Variants in TMPRSS7 observed in about 807,000 individuals in gnomAD.
TMPRSS7 encodes transmembrane protease serine 7.
In TMPRSS7, 81 loss-of-function variants were observed where a neutral mutation model predicts 95.6. The observed-to-expected ratio is 0.85, with a 90% CI of 0.71 to 1.02. The LOEUF (loss-of-function observed/expected upper bound fraction) is 1.02. Among genes scored for constraint, TMPRSS7 ranks in the 50% least tolerant of loss-of-function variants. The pLI is 0.00. For synonymous variants in TMPRSS7, 364 were observed against 337.8 expected (o/e 1.08, Z -0.85); for missense variants, 945 against 955.2 (o/e 0.99, Z 0.14).
At chr3:112,047,122 C>A in intron 6 of TMPRSS7, 110 bp downstream of exon 6, 2 of 666,748 alleles carry the variant, frequency 3.0e-6, no homozygotes, top group Non-Finnish European at 2.7e-6. Context: ...TTGCAAGTGA[C>A]AGAAATGCAT....
At chr3:112,034,978 A>T (rs2073141224) in intron 1 of TMPRSS7, 85 bp downstream of exon 1, 1 of 683,054 alleles carries the variant, frequency 1.5e-6, no homozygotes, top group Non-Finnish European at 2.6e-6. Flanking sequence ...ATGACCTTAT[A>T]AACATAAAGG....
At chr3:112,036,566 CAA>C (rs1303902803) in intron 1 of TMPRSS7, among the ~76,000 whole-genome samples, 10 of 124,634 alleles carry the variant, frequency 8.0e-5, no homozygotes, top group African/African-American at 8.9e-5. Flanking sequence ...AAAACTCTGT[CAA>C]AAAAAAAAAA....
intron 2 of TMPRSS7, among the ~76,000 whole-genome samples, chr3:112,041,116 A>G (rs2073202226): frequency 6.6e-6 from 1 of 152,162 alleles, no homozygotes; most frequent in African/African-American, 2.4e-5. Context: ...TTCCCTGATA[A>G]AAATAAAAAA....
At chr3:112,070,509 C>T (rs954481359) in intron 13 of TMPRSS7, among the ~76,000 whole-genome samples, 1 of 152,172 alleles carries the variant, frequency 6.6e-6, no homozygotes, top group Non-Finnish European at 1.5e-5. Flanking sequence ...AATCTGGGTG[C>T]TCCTGTATTG....
At chr3:112,074,551 CTG>C (rs1452635920) in intron 14 of TMPRSS7, 139 bp downstream of exon 14, 3 of 537,410 alleles carry the variant, frequency 5.6e-6, no homozygotes, top group Admixed American at 6.6e-5. Flanking sequence ...TATTGACAAA[CTG>C]AGTCTGAAAT....
rs2073209091 is a variant in TMPRSS7, at chr3:112,041,565, T to G, written c.299-355T>G. On this transcript the variant is annotated intron_variant, in intron 2 of 17. Coordinates refer to ENST00000452346, the Ensembl canonical transcript of TMPRSS7. ...TGCATTAGGGGCTGAGGAATCAAAA[T>G]AAATTACCATTTATTCCTTCAGAGA... Among the ~76,000 whole-genome samples the G allele has an allele frequency of 3.3e-5, 5 of 152,160 alleles. No individual in the cohort carries two copies. In the South Asian group the frequency reaches 1.0e-3, roughly 32 times the overall value.
intron 5 of TMPRSS7, 100 bp downstream of exon 5, chr3:112,046,043 A>G: frequency 1.9e-6 from 2 of 1,027,810 alleles, no homozygotes; most frequent in Non-Finnish European, 2.8e-6. Context: ...ACAATGTGGG[A>G]TTACCCCACA....
chr3:112,049,965 C>A, exon 8 of TMPRSS7: 1 of 1,554,706 alleles, frequency 6.4e-7, no homozygotes. Context: ...TGAGGTCATT[C>A]CAGAACAAAG....
chr3:112,078,958 G>A (rs2073747275), intron 17 of TMPRSS7, 80 bp downstream of exon 17: 2 of 1,510,958 alleles, frequency 1.3e-6, no homozygotes, highest in Non-Finnish European at 1.8e-6. Context: ...ATAACACTGG[G>A]AAATAACCAG....
chr3:112,054,729 C>CT lies in TMPRSS7; in HGVS notation c.1204-2267dup, dbSNP rs1161735611. On this transcript the variant is annotated intron_variant, in intron 9 of 17. Transcript: ENST00000452346. ...AACATATTTACTATCTCTCAGTTTG[C>CT]TTTTTTTTTTTTTTTTTTTTTTTTT... Among the ~76,000 whole-genome samples the CT allele has an allele frequency of 4.5e-3, 223 of 49,016 alleles. 80 individuals are homozygous for CT. The highest frequency in any genetic ancestry group is 0.045 in the Middle Eastern group (2 of 44). The allele number at this position is 49,016 out of a possible 152,430, so 32.2% of individuals were successfully genotyped here.
intron 14 of TMPRSS7, 116 bp downstream of exon 14, chr3:112,074,528 C>T (rs2073690101): frequency 3.0e-6 from 2 of 673,852 alleles, no homozygotes; most frequent in Admixed American, 5.7e-5. Flanking sequence ...ATAGCCAAAA[C>T]AAGAATAGTA....
At chr3:112,041,792 G>T (rs542167318) in intron 2 of TMPRSS7, 128 bp from the exon 3 acceptor site, 14 of 633,812 alleles carry the variant, frequency 2.2e-5, no homozygotes, top group South Asian at 2.1e-4. Flanking sequence ...CACAGGCTCT[G>T]AACCAGTTAG....
intron 8 of TMPRSS7, among the ~76,000 whole-genome samples, 194 bp downstream of exon 8, chr3:112,050,168 T>G (rs1161541750): frequency 6.6e-6 from 1 of 152,182 alleles, no homozygotes; most frequent in Admixed American, 6.5e-5. Context: ...TAACTTCATA[T>G]AAAGGTGTCA....
intron 17 of TMPRSS7, among the ~76,000 whole-genome samples, chr3:112,080,376 C>T (rs1182117430): frequency 6.6e-6 from 1 of 152,132 alleles, no homozygotes; most frequent in Non-Finnish European, 1.5e-5. Context: ...CTCTTCTTCT[C>T]CATGGGGCTA....
At chr3:112,061,693 C>A in intron 10 of TMPRSS7, 94 bp from the exon 11 acceptor site, 1 of 1,409,654 alleles carries the variant, frequency 7.1e-7, no homozygotes, top group Non-Finnish European at 9.5e-7. Flanking sequence ...TTTGTGAAAA[C>A]CAAATGACCA....
chr3:112,064,895 T>C (rs1165452664), intron 12 of TMPRSS7, among the ~76,000 whole-genome samples: 1 of 152,210 alleles, frequency 6.6e-6, no homozygotes, highest in East Asian at 1.9e-4. Context: ...CAGCATTTTG[T>C]CCTGAAGGTC....
At chr3:112,066,776 T>G (rs1576117023) in intron 13 of TMPRSS7, among the ~76,000 whole-genome samples, 1 of 141,408 alleles carries the variant, frequency 7.1e-6, no homozygotes, top group Non-Finnish European at 1.5e-5. Context: ...CAGATTCTCC[T>G]TTTTTTTTTC....
At chr3:112,066,064 C>T (rs1018055544) in intron 12 of TMPRSS7, among the ~76,000 whole-genome samples, 21 of 152,238 alleles carry the variant, frequency 1.4e-4, no homozygotes, top group African/African-American at 4.3e-4. Context: ...AGAAGGTAGA[C>T]GAGTTTGATT....
intron 2 of TMPRSS7, chr3:112,039,476 G>C (rs914477111): frequency 6.6e-6 from 1 of 151,940 alleles, no homozygotes. Flanking sequence ...AAAGCCCCTA[G>C]GTAACCAGAG....
Sources: allele counts gnomAD v4.1 joint callset (sites outside exome capture counted in the v4.1 genomes callset), GRCh38; gene constraint gnomAD v4.1.1; transcripts MANE v1.5; gene names NCBI Gene and HGNC (gene_info 2026-07-23, HGNC 2026-07-21).